Variants in PCDHGA8 observed in about 807,000 individuals in gnomAD.
The protein encoded by PCDHGA8 is protocadherin gamma subfamily A, 8, also known as protocadherin gamma-A8.
In PCDHGA8, 45 loss-of-function variants were observed where a neutral mutation model predicts 59.2. The observed-to-expected ratio is 0.76, with a 90% CI of 0.60 to 0.98. PCDHGA8 has a LOEUF of 0.98. Among genes scored for constraint, PCDHGA8 ranks in the 50% least tolerant of loss-of-function variants. The pLI is 0.00. For missense variants in PCDHGA8, 1,257 were observed against 1,196.2 expected, an observed-to-expected ratio of 1.05 and a Z score of -0.75; for synonymous variants, 531 against 519.0, an observed-to-expected ratio of 1.02 and a Z score of -0.32.
intron 1 of PCDHGA8, among the ~76,000 whole-genome samples, chr5:141,450,487 G>A (rs1379694010): frequency 1.3e-5 from 2 of 151,938 alleles, no homozygotes; most frequent in African/African-American, 2.4e-5. Context: ...TTGTTTGTTT[G>A]TCTGTTTGTT....
rs759587995 is a variant in PCDHGA8, at chr5:141,491,802, G to T, written c.2425-3005G>T. On this transcript the variant is annotated intron_variant, in intron 1 of 3. Coordinates refer to ENST00000398604, the MANE Select transcript of PCDHGA8 (RefSeq NM_032088.2). The surrounding 1 kb of genome is among the most constrained non-coding windows in gnomAD (Gnocchi z 6.9). ...ACTTGCATCCACTCCTCTCCGGCCGGCTTGGTCGCTGGCTGCGCTCCACCC... is the reference window on the plus strand; with the variant it reads ...ACTTGCATCCACTCCTCTCCGGCCGTCTTGGTCGCTGGCTGCGCTCCACCC... 1 of 1,497,480 alleles carries T rather than the reference G, an allele frequency of 6.7e-7. No individual in the cohort carries two copies. Among genetic ancestry groups the T allele is most frequent in the East Asian group, 2.5e-5 (1 of 40,518 alleles). The allele number at this position is 1,497,480 out of a possible 1,614,324, so 92.8% of individuals were successfully genotyped here. A position where few individuals can be genotyped will look rare whatever the true frequency, so the allele number is the denominator to read the frequency against.
chr5:141,487,608 G>A lies in PCDHGA8; in HGVS notation c.2425-7199G>A, dbSNP rs970411391. On this transcript the variant is annotated intron_variant, in intron 1 of 3. Coordinates refer to ENST00000398604, the MANE Select transcript of PCDHGA8 (RefSeq NM_032088.2). The surrounding 1 kb of genome is among the most constrained non-coding windows in gnomAD (Gnocchi z 5.0). ...TGCCCACCCTCTGATCTTCTCTATG[G>A]GCTAGAGGTGAGACCTTTGCAGGCT... 1 of 1,614,182 alleles carries A rather than the reference G, an allele frequency of 6.2e-7. No individual in the cohort carries two copies. Among genetic ancestry groups the A allele is most frequent in the African/African-American group, 1.3e-5 (1 of 75,050 alleles).
intron 1 of PCDHGA8, chr5:141,395,466 TC>T (rs951026760): frequency 3.5e-6 from 2 of 577,354 alleles, no homozygotes; most frequent in Non-Finnish European, 5.8e-6. Context: ...TTTTAAGCCT[TC>T]CAGTATTTTA....
At chr5:141,423,415 G>A (rs779262475) in intron 1 of PCDHGA8, 103 of 1,614,016 alleles carry the variant, frequency 6.4e-5, no homozygotes, top group African/African-American at 1.2e-4. Context: ...GCAGGCTTCT[G>A]AAGGCGGGTT....
At chr5:141,415,753 T>TG in intron 1 of PCDHGA8, 2 of 1,381,386 alleles carry the variant, frequency 1.4e-6, no homozygotes, top group Non-Finnish European at 1.9e-6. Context: ...TTTTTTTTTT[T>TG]TTTTTTTTTT....
rs752088903 is a variant in PCDHGA8, at chr5:141,490,784, G to A, written c.2425-4023G>A. The A allele has an allele frequency of 1.7e-5, 27 of 1,613,906 alleles. No individual in the cohort carries two copies. The highest frequency in any genetic ancestry group is 1.2e-4 in the African/African-American group (9 of 74,922). The stretch of plus-strand genomic sequence containing the variant: ...GTGTATGTCAACCCAGAGGATGGAC[G>A]GATCTTTGCCCAGCGTACCTTTGAC... On this transcript the variant is annotated intron_variant, in intron 1 of 3. Transcript: ENST00000398604. This position sits in a 1 kb window ranked among gnomAD's most constrained non-coding sequence, Gnocchi z 5.4.
intron 1 of PCDHGA8, among the ~76,000 whole-genome samples, chr5:141,481,241 A>C (rs557107835): frequency 2.0e-5 from 3 of 152,350 alleles, no homozygotes; most frequent in South Asian, 2.1e-4. Flanking sequence ...AGTATTACAT[A>C]GCATAGCTCT....
chr5:141,484,757 T>C (rs2099600412), intron 1 of PCDHGA8, among the ~76,000 whole-genome samples: 1 of 151,626 alleles, frequency 6.6e-6, no homozygotes, highest in East Asian at 1.9e-4. Flanking sequence ...AATGTATATA[T>C]ATATATATGT....
chr5:141,419,776 C>A (rs965350189), intron 1 of PCDHGA8: 3 of 1,613,908 alleles, frequency 1.9e-6, no homozygotes, highest in African/African-American at 2.7e-5. Flanking sequence ...ACTCGGTCCG[C>A]CAGCGCCTGC....
chr5:141,494,807 C>A lies in PCDHGA8; in HGVS notation c.2425C>A (p.Gln809Lys), dbSNP rs568448786. Residue 809 changes from glutamine to lysine, a missense_variant and splice_region_variant, in exon 2 of 4, where the codon CAA (glutamine) becomes AAA (lysine). Coordinates refer to ENST00000398604, the MANE Select transcript of PCDHGA8 (RefSeq NM_032088.2). ...CCCTTTCCCTCTGTTTTCTCCACAGCAAGCCCCGCCCAACACGGACTGGCG... is the reference window on the plus strand; with the variant it reads ...CCCTTTCCCTCTGTTTTCTCCACAGAAAGCCCCGCCCAACACGGACTGGCG... ...EYKNEADHGQ[Q>K]APPNTDWRFS... The A allele has an allele frequency of 2.5e-5, 40 of 1,614,144 alleles. No individual in the cohort carries two copies. The South Asian group carries it at 4.0e-4, about 16-fold the overall frequency.
chr5:141,458,168 A>G (rs1287422935), intron 1 of PCDHGA8, among the ~76,000 whole-genome samples: 1 of 152,254 alleles, frequency 6.6e-6, no homozygotes. Context: ...TGTTCACAGT[A>G]GTATACCTTA....
In PCDHGA8 at chr5:141,490,309, A is replaced by G. The variant is rs1485303337; in HGVS notation, c.2425-4498A>G. On this transcript the variant is annotated intron_variant, in intron 1 of 3. Transcript: ENST00000398604. The surrounding 1 kb of genome is among the most constrained non-coding windows in gnomAD (Gnocchi z 5.4). ...AGAGGTGCTATTGGCCTCTTTGGCCAACCCTGTCCTAGAGAGCACACCAGT... is the reference window on the plus strand; with the variant it reads ...AGAGGTGCTATTGGCCTCTTTGGCCGACCCTGTCCTAGAGAGCACACCAGT... The G allele has an allele frequency of 2.8e-5, 46 of 1,614,126 alleles. No homozygotes were observed. Among genetic ancestry groups the G allele is most frequent in the Non-Finnish European group, 3.8e-5 (45 of 1,180,056 alleles).
In PCDHGA8 at chr5:141,491,996, G is replaced by T; in HGVS notation, c.2425-2811G>T. ...TCCTTCGAGCTTCCGGTGAATTTCG[G>T]GCGATTTCCGCGGGTGTCGGGGGTC... is the stretch of plus-strand genomic sequence containing the variant. On this transcript the variant is annotated intron_variant, in intron 1 of 3. Coordinates refer to ENST00000398604, the MANE Select transcript of PCDHGA8 (RefSeq NM_032088.2). This position sits in a 1 kb window ranked among gnomAD's most constrained non-coding sequence, Gnocchi z 6.9. The T allele has an allele frequency of 2.9e-6, 2 of 686,328 alleles. No individual in the cohort carries two copies. Among genetic ancestry groups the T allele is most frequent in the Non-Finnish European group, 4.5e-6 (2 of 441,080 alleles). 42.5% of individuals were successfully genotyped at this position (686,328 alleles called of 1,614,324 possible). A position where few individuals can be genotyped will look rare whatever the true frequency, so the allele number is the denominator to read the frequency against.
chr5:141,476,738 C>T lies in PCDHGA8; in HGVS notation c.2425-18069C>T. 6.2e-7 allele frequency: 1 copy of T among 1,614,076 alleles called. No individual in the cohort carries two copies. The highest frequency in any genetic ancestry group is 2.2e-5 in the East Asian group (1 of 44,880). On this transcript the variant is annotated intron_variant, in intron 1 of 3. Transcript: ENST00000398604. This position sits in a 1 kb window ranked among gnomAD's most constrained non-coding sequence, Gnocchi z 7.6. Reference sequence around the variant, plus strand: ...GCGCGCCCTGGACCGAGAACGGGAGCCTAGTCTCCAGTTAGTGCTGACGGC... The same window carrying T: ...GCGCGCCCTGGACCGAGAACGGGAGTCTAGTCTCCAGTTAGTGCTGACGGC...
intron 1 of PCDHGA8, chr5:141,422,178 G>A (rs1561799748): frequency 1.9e-6 from 3 of 1,563,306 alleles, no homozygotes; most frequent in Non-Finnish European, 1.7e-6. Flanking sequence ...GATTCTATGA[G>A]ATGGAAATTC....
Position 141,476,591 on chromosome 5 carries a change from G to T in PCDHGA8, c.2425-18216G>T, listed in dbSNP as rs200254399. The T allele has an allele frequency of 6.2e-7, 1 of 1,614,230 alleles. No homozygotes were observed. The highest frequency in any genetic ancestry group is 8.5e-7 in the Non-Finnish European group (1 of 1,180,046). On this transcript the variant is annotated intron_variant, in intron 1 of 3. Transcript: ENST00000398604. The surrounding 1 kb of genome is among the most constrained non-coding windows in gnomAD (Gnocchi z 7.6). The stretch of plus-strand genomic sequence containing the variant: ...GGGGACGCGCTTTCCGCTCGAGAGC[G>T]CGCACGATCCCGATGTGGGAAGCAA...
rs1434083091 is a variant in PCDHGA8 at position 141,450,833 on chromosome 5, T to TA, written c.2425-43974_2425-43973insA. 6.4e-3 allele frequency among the ~76,000 whole-genome samples: 943 copies of TA among 147,260 alleles called. 6 individuals carry two copies. The highest frequency in any genetic ancestry group is 0.014 in the Middle Eastern group (4 of 276). ...TTATTTAATATTATTATTATTATTT[T>TA]TTTTTTTTTGAGATGGGGTCTTGCT... is the stretch of plus-strand genomic sequence containing the variant. On this transcript the variant is annotated intron_variant, in intron 1 of 3. Coordinates refer to ENST00000398604, the MANE Select transcript of PCDHGA8 (RefSeq NM_032088.2).
intron 1 of PCDHGA8, chr5:141,478,117 C>G (rs1419172538): frequency 1.3e-5 from 21 of 1,614,058 alleles, no homozygotes; most frequent in Non-Finnish European, 1.7e-5. Context: ...TGTCAGTAAC[C>G]GAGGACTCTC....
intron 2 of PCDHGA8, among the ~76,000 whole-genome samples, chr5:141,498,792 G>A (rs1217057199): frequency 2.6e-5 from 4 of 152,086 alleles, no homozygotes; most frequent in Admixed American, 2.6e-4. Context: ...TATTAGCCAG[G>A]TGTGGTGGTG....
Sources: gnomAD v4.1 joint callset for allele counts (sites outside exome capture counted in the v4.1 genomes callset) on GRCh38, gnomAD v4.1.1 for gene constraint, Gnocchi (gnomAD v3.1) non-coding constraint, MANE v1.5 for transcripts, NCBI Gene and HGNC (gene_info 2026-07-23, HGNC 2026-07-21) for gene names.